MBNL1: variants seen among roughly 807,000 people sequenced by gnomAD.
MBNL1 encodes muscleblind like splicing regulator 1, also known as muscleblind-like protein 1.
A neutral mutation model predicts 42.2 loss-of-function variants in MBNL1; 8 were observed. The observed-to-expected ratio is 0.19, with a 90% CI of 0.11 to 0.34. The LOEUF (loss-of-function observed/expected upper bound fraction) is 0.34, where lower values mean the gene tolerates loss of function less well. MBNL1 is among the 10% of genes least tolerant of loss of function. The pLI, the probability that MBNL1 is intolerant of heterozygous loss-of-function variation, is 1.00. For missense variants in MBNL1, 309 were observed against 495.3 expected (o/e 0.62, Z 3.57); for synonymous variants, 169 against 173.9 (o/e 0.97, Z 0.22).
intron 1 of MBNL1, among the ~76,000 whole-genome samples, chr3:152,295,773 T>C (rs536035227): frequency 6.6e-6 from 1 of 152,204 alleles, no homozygotes; most frequent in Non-Finnish European, 1.5e-5. Context: ...AGGAAGTGTG[T>C]GTCAAACCAA....
chr3:152,368,364 G>C (rs574600118), intron 2 of MBNL1, among the ~76,000 whole-genome samples: 2 of 152,002 alleles, frequency 1.3e-5, no homozygotes, highest in Non-Finnish European at 2.9e-5. Flanking sequence ...TGTTCCATTG[G>C]TCTATATATC....
At chr3:152,292,239 C>G (rs1366815749) in intron 1 of MBNL1, among the ~76,000 whole-genome samples, 2 of 152,180 alleles carry the variant, frequency 1.3e-5, no homozygotes, top group Non-Finnish European at 2.9e-5. Context: ...TTGCCTGATA[C>G]AGGAATTAAT....
Position 152,305,506 on chromosome 3 carries a change from A to T in MBNL1, c.174+5139A>T, listed in dbSNP as rs532298918. Among the ~76,000 whole-genome samples the T allele has an allele frequency of 3.8e-4, 57 of 151,308 alleles. 1 individual carries two copies. In the South Asian group the frequency reaches 0.011, roughly 30 times the overall value. ...AATTTGAATTTTTTTTTTTTTTTTAAACTTAGCAGTACTACATCCTGTGCT... is the reference window on the plus strand; with the variant it reads ...AATTTGAATTTTTTTTTTTTTTTTATACTTAGCAGTACTACATCCTGTGCT... On this transcript the variant is annotated intron_variant, in intron 2 of 9. Coordinates refer to ENST00000324210, the MANE Select transcript of MBNL1 (RefSeq NM_021038.5).
At chr3:152,377,568 T>C (rs1293694939) in intron 2 of MBNL1, among the ~76,000 whole-genome samples, 9 of 152,222 alleles carry the variant, frequency 5.9e-5, no homozygotes, top group Admixed American at 5.9e-4. Context: ...ACACATTATA[T>C]AGCAAGAAAT....
chr3:152,269,413 T>A, intron 1 of MBNL1: 2 of 406,650 alleles, frequency 4.9e-6, no homozygotes, highest in South Asian at 3.4e-5. Context: ...AACAGGTGCG[T>A]GCAAGTGTAC....
intron 2 of MBNL1, among the ~76,000 whole-genome samples, chr3:152,380,934 T>A (rs541668283): frequency 1.3e-5 from 2 of 152,220 alleles, no homozygotes; most frequent in South Asian, 4.1e-4. Context: ...TTTGTTTTTG[T>A]TAATAGCAAG....
intron 2 of MBNL1, among the ~76,000 whole-genome samples, chr3:152,363,166 T>G (rs375016736): frequency 6.6e-6 from 1 of 152,234 alleles, no homozygotes; most frequent in South Asian, 2.1e-4. Flanking sequence ...ATTGGAATTA[T>G]GCATTTGTTT....
chr3:152,292,963 C>T (rs1451534073), intron 1 of MBNL1, among the ~76,000 whole-genome samples: 2 of 151,756 alleles, frequency 1.3e-5, no homozygotes, highest in African/African-American at 4.8e-5. Flanking sequence ...GATATAGGGT[C>T]CTACTATGTT....
chr3:152,280,993 T>G (rs1246669688), intron 1 of MBNL1, among the ~76,000 whole-genome samples: 1 of 152,152 alleles, frequency 6.6e-6, no homozygotes, highest in Non-Finnish European at 1.5e-5. Context: ...TTTTCTGAAG[T>G]TTATGGCCTA....
intron 2 of MBNL1, among the ~76,000 whole-genome samples, chr3:152,371,245 C>T (rs1187153813): frequency 6.6e-6 from 1 of 152,156 alleles, no homozygotes; most frequent in Admixed American, 6.5e-5. Flanking sequence ...TTTATTTCTC[C>T]TTCACTTATG....
Position 152,299,554 on chromosome 3 carries a change from T to C in MBNL1, c.-640T>C. The C allele has an allele frequency of 2.5e-6, 1 of 394,904 alleles. No individual in the cohort carries two copies. The highest frequency in any genetic ancestry group is 3.6e-5 in the East Asian group (1 of 27,910). 24.5% of individuals were successfully genotyped at this position (394,904 alleles called of 1,614,324 possible). A position where few individuals can be genotyped will look rare whatever the true frequency, so the allele number is the denominator to read the frequency against. ...TAGCCCAGACACCCCCATTTCTACT[T>C]ATAATCAAGAGAAAAGCTCTAAGTA... On this transcript the variant is annotated 5_prime_UTR_variant, in exon 2 of 10. Transcript: ENST00000324210.
chr3:152,252,781 A>G (rs1176837726), intron 2 of MBNL1, among the ~76,000 whole-genome samples: 3 of 152,170 alleles, frequency 2.0e-5, no homozygotes, highest in African/African-American at 7.2e-5. Flanking sequence ...ATGTAAAGCA[A>G]ATAAAGACAA....
chr3:152,380,701 C>T (rs895394393), intron 2 of MBNL1, among the ~76,000 whole-genome samples: 1 of 151,924 alleles, frequency 6.6e-6, no homozygotes, highest in Non-Finnish European at 1.5e-5. Flanking sequence ...TACTTTAACA[C>T]AACTTTAAAC....
In MBNL1 at chr3:152,269,013, G is replaced by T. The variant is rs1296611730; in HGVS notation, c.-869G>T. The T allele has an allele frequency of 2.2e-6, 1 of 456,280 alleles. No homozygotes were observed. Among genetic ancestry groups the T allele is most frequent in the Admixed American group, 2.3e-5 (1 of 42,592 alleles). The allele number at this position is 456,280 out of a possible 1,614,324, so 28.3% of individuals were successfully genotyped here. A position where few individuals can be genotyped will look rare whatever the true frequency, so the allele number is the denominator to read the frequency against. On this transcript the variant is annotated 5_prime_UTR_variant, in exon 1 of 10. Transcript: ENST00000324210. ...TGACAAGTTCCATTTTCCGTCGCGG[G>T]CATCTTGGAATCATGACTCCCACAA...
intron 2 of MBNL1, among the ~76,000 whole-genome samples, chr3:152,367,217 C>T (rs1013750012): frequency 6.6e-6 from 1 of 151,370 alleles, no homozygotes; most frequent in Non-Finnish European, 1.5e-5. Flanking sequence ...GTAATGTTCC[C>T]CTCCCTGTGT....
rs566153390 is a variant in MBNL1, at chr3:152,326,628, A to T, written c.174+26261A>T. ...ATAGTAACTAATGGTCAACTTCAAA[A>T]CATAGTTTATATCAGAAAAAGGGAA... On this transcript the variant is annotated intron_variant, in intron 2 of 9. Coordinates refer to ENST00000324210, the MANE Select transcript of MBNL1 (RefSeq NM_021038.5). 3.3e-5 allele frequency among the ~76,000 whole-genome samples: 5 copies of T among 152,140 alleles called. No individual in the cohort carries two copies. The South Asian group carries it at 1.0e-3, about 32-fold the overall frequency.
intron 2 of MBNL1, among the ~76,000 whole-genome samples, chr3:152,391,938 A>C (rs1054681499): frequency 1.3e-5 from 2 of 152,174 alleles, no homozygotes; most frequent in Admixed American, 6.5e-5. Context: ...TTGGTGGGAA[A>C]GGCTGAGTTT....
intron 2 of MBNL1, chr3:152,301,031 G>C (rs1489115717): frequency 2.3e-5 from 11 of 473,908 alleles, no homozygotes; most frequent in Non-Finnish European, 3.0e-5. Flanking sequence ...GATTTTTCCA[G>C]CTTCAAAAAT....
intron 2 of MBNL1, among the ~76,000 whole-genome samples, chr3:152,331,892 A>G (rs1455410324): frequency 6.6e-6 from 1 of 152,048 alleles, no homozygotes; most frequent in Non-Finnish European, 1.5e-5. Flanking sequence ...GGGTTTCATT[A>G]TGTTGGCCAG....
Sources: allele counts gnomAD v4.1 joint callset (sites outside exome capture counted in the v4.1 genomes callset), GRCh38; gene constraint gnomAD v4.1.1; transcripts MANE v1.5; gene names NCBI Gene and HGNC (gene_info 2026-07-23, HGNC 2026-07-21).